The following RIOK3 variants were observed in gnomAD, a reference collection of about 807,000 sequenced individuals.
RIOK3 encodes the protein RIO kinase 3.
In RIOK3, 40 loss-of-function variants were observed where a neutral mutation model predicts 63.5. The observed-to-expected ratio is 0.63, with a 90% CI of 0.49 to 0.82. The LOEUF (loss-of-function observed/expected upper bound fraction) is 0.82, where lower values mean the gene tolerates loss of function less well. RIOK3 is among the 40% of genes least tolerant of loss of function. The pLI, the probability that RIOK3 is intolerant of heterozygous loss-of-function variation, is 0.00. For missense variants in RIOK3, 557 were observed against 637.0 expected (o/e 0.87, Z 1.35); for synonymous variants, 193 against 205.0 (o/e 0.94, Z 0.50).
In RIOK3 at chr18:23,481,817, A is replaced by G. The variant is rs1000463258; in HGVS notation, c.*538A>G. On this transcript the variant is annotated 3_prime_UTR_variant, in exon 13 of 13. Coordinates refer to ENST00000339486, the MANE Select transcript of RIOK3 (RefSeq NM_003831.5). ...GAACAAATGGAAATTTGGTTTCAGAATGGCTGACAGAAATCGACATAAGTC... is the reference window on the plus strand; with the variant it reads ...GAACAAATGGAAATTTGGTTTCAGAGTGGCTGACAGAAATCGACATAAGTC... 6.6e-6 allele frequency: 1 copy of G among 152,260 alleles called. No individual in the cohort carries two copies. The highest frequency in any genetic ancestry group is 1.5e-5 in the Non-Finnish European group (1 of 68,062). 9.4% of individuals were successfully genotyped at this position (152,260 alleles called of 1,614,324 possible). A position where few individuals can be genotyped will look rare whatever the true frequency, so the allele number is the denominator to read the frequency against.
At chr18:23,477,309 A>T in intron 11 of RIOK3, 41 bp downstream of exon 11, 1 of 1,456,078 alleles carries the variant, frequency 6.9e-7, no homozygotes, top group Non-Finnish European at 9.7e-7. Flanking sequence ...GTTGGATGTA[A>T]CAGCTGCAGG....
At chr18:23,480,896 G>A (rs2057529305) in intron 12 of RIOK3, among the ~76,000 whole-genome samples, 1 of 152,180 alleles carries the variant, frequency 6.6e-6, no homozygotes, top group African/African-American at 2.4e-5. Flanking sequence ...AGACCAGCCT[G>A]GGCAACATAG....
chr18:23,472,561 G>T (rs933207072), intron 7 of RIOK3, among the ~76,000 whole-genome samples: 12 of 152,078 alleles, frequency 7.9e-5, no homozygotes, highest in African/African-American at 2.4e-4. Flanking sequence ...ACTATTGGGG[G>T]ACTATTGCAG....
At chr18:23,476,427 A>G (rs1489304648) in intron 9 of RIOK3, among the ~76,000 whole-genome samples, 1 of 152,178 alleles carries the variant, frequency 6.6e-6, no homozygotes, top group Non-Finnish European at 1.5e-5. Flanking sequence ...ATTTTTAAAG[A>G]TATAGCTAGA....
intron 7 of RIOK3, among the ~76,000 whole-genome samples, chr18:23,468,655 T>C (rs1380146819): frequency 2.6e-5 from 4 of 152,178 alleles, no homozygotes; most frequent in African/African-American, 9.7e-5. Context: ...TCTGGTGGAA[T>C]TGGTATCATA....
intron 1 of RIOK3, chr18:23,456,230 C>G (rs1358934426): frequency 6.6e-6 from 1 of 152,256 alleles, no homozygotes; most frequent in African/African-American, 2.4e-5. Flanking sequence ...CGTGAGCCAC[C>G]ACGCCCAGCC....
chr18:23,464,323 T>G lies in RIOK3; in HGVS notation c.433+10T>G, dbSNP rs781670437. On this transcript the variant is annotated intron_variant, in intron 4 of 12. Transcript: ENST00000339486. ...GATCCCTACAGACCAGGTACCAAAG[T>G]TTTTACTTTCTGGGGGCAGCAGAAT... 6.3e-7 allele frequency: 1 copy of G among 1,593,436 alleles called. No individual in the cohort carries two copies. Among genetic ancestry groups the G allele is most frequent in the South Asian group, 1.1e-5 (1 of 89,326 alleles).
At chr18:23,454,801 C>T (rs1263903714) in intron 1 of RIOK3, among the ~76,000 whole-genome samples, 2 of 152,174 alleles carry the variant, frequency 1.3e-5, no homozygotes, top group African/African-American at 2.4e-5. Flanking sequence ...GATTTATAGA[C>T]GCTCTATTGG....
chr18:23,476,319 C>A (rs767781683), intron 9 of RIOK3, among the ~76,000 whole-genome samples: 1 of 152,146 alleles, frequency 6.6e-6, no homozygotes, highest in Non-Finnish European at 1.5e-5. Context: ...TTTAATTGAA[C>A]ACTGGAGAAA....
At chr18:23,461,749 A>G (rs925665844) in intron 1 of RIOK3, among the ~76,000 whole-genome samples, 1 of 152,070 alleles carries the variant, frequency 6.6e-6, no homozygotes, top group Admixed American at 6.6e-5. Context: ...TACTGTGTGT[A>G]TTGGTATTGT....
At chr18:23,464,337 G>A in intron 4 of RIOK3, 24 bp downstream of exon 4, 1 of 1,529,016 alleles carries the variant, frequency 6.5e-7, no homozygotes, top group South Asian at 1.1e-5. Context: ...TACTTTCTGG[G>A]GGCAGCAGAA....
chr18:23,469,411 C>CCT (rs1380705543), intron 7 of RIOK3, among the ~76,000 whole-genome samples: 8 of 80,248 alleles, frequency 1.0e-4, no homozygotes, highest in Middle Eastern at 0.011. Flanking sequence ...TCCCCTCTCT[C>CCT]CTCTCTCTCT....
chr18:23,472,763 A>ATT (rs947219910), intron 7 of RIOK3, among the ~76,000 whole-genome samples: 3 of 151,690 alleles, frequency 2.0e-5, no homozygotes, highest in Non-Finnish European at 4.4e-5. Flanking sequence ...TTTAGCTCCA[A>ATT]TTTTTTTTCA....
chr18:23,468,276 T>C (rs1320855724), intron 7 of RIOK3, among the ~76,000 whole-genome samples: 1 of 151,602 alleles, frequency 6.6e-6, no homozygotes, highest in African/African-American at 2.4e-5. Flanking sequence ...CCATTTTCTG[T>C]TATACTCAAT....
In RIOK3 at chr18:23,464,067, G is replaced by A. The variant is rs1410632170; in HGVS notation, c.280G>A (p.Ala94Thr). Residue 94 changes from alanine (A) to threonine (T), a missense_variant, in exon 3 of 13, where the codon GCA becomes ACA. Ala to Thr is a moderately conservative substitution (Grantham distance 58). Coordinates refer to ENST00000339486, the MANE Select transcript of RIOK3 (RefSeq NM_003831.5). The part of the protein sequence containing the change: ...LQMEYDREYD[A>T]QLRREEKKFN... ...GATGGAATATGACAGAGAATATGAT[G>A]CACAGCTTAGGCGTGAAGAAAAAAA... 4 of 1,613,340 alleles carry A rather than the reference G, an allele frequency of 2.5e-6. No homozygotes were observed. In the East Asian group the frequency reaches 6.7e-5, roughly 27 times the overall value.
chr18:23,457,906 T>G (rs915434486), intron 1 of RIOK3, among the ~76,000 whole-genome samples: 2 of 152,054 alleles, frequency 1.3e-5, no homozygotes, highest in African/African-American at 4.8e-5. Context: ...TTTCTTTTTT[T>G]TTTTTGGAGA....
chr18:23,475,556 G>T (rs1247900366), intron 9 of RIOK3, among the ~76,000 whole-genome samples: 1 of 151,746 alleles, frequency 6.6e-6, no homozygotes, highest in South Asian at 2.1e-4. Flanking sequence ...TTGCACCCAG[G>T]AATTTAAGGC....
At chr18:23,467,589 A>C (rs774272986) in intron 7 of RIOK3, 63 bp downstream of exon 7, 167 of 1,478,242 alleles carry the variant, frequency 1.1e-4, no homozygotes, top group Non-Finnish European at 1.5e-4. Context: ...AAGATTAATG[A>C]ATTTACACAG....
rs1199383596 is a variant in RIOK3, at chr18:23,481,502, T to C, written c.*223T>C. On this transcript the variant is annotated 3_prime_UTR_variant, in exon 13 of 13. Coordinates refer to ENST00000339486, the MANE Select transcript of RIOK3 (RefSeq NM_003831.5). Reference sequence around the variant, plus strand: ...CATCTTATGAACAGGATAATATAATTCTTTAACAGCTATAGGTTATCTGGC... The same window carrying C: ...CATCTTATGAACAGGATAATATAATCCTTTAACAGCTATAGGTTATCTGGC... 1 of 405,428 alleles carries C rather than the reference T, an allele frequency of 2.5e-6. No homozygotes were observed. Among genetic ancestry groups the C allele is most frequent in the Non-Finnish European group, 4.4e-6 (1 of 229,794 alleles). 25.1% of individuals were successfully genotyped at this position (405,428 alleles called of 1,614,324 possible).
Sources: gnomAD v4.1 joint callset for allele counts (sites outside exome capture counted in the v4.1 genomes callset) on GRCh38, gnomAD v4.1.1 for gene constraint, MANE v1.5 for transcripts, NCBI Gene and HGNC (gene_info 2026-07-23, HGNC 2026-07-21) for gene names.